The following CWC27 variants were observed in gnomAD, a reference collection of about 807,000 sequenced individuals.
The protein encoded by CWC27 is spliceosome-associated protein CWC27 homolog.
Under a neutral mutation model 63.6 loss-of-function variants are expected in CWC27, and 47 were observed. The ratio of observed to expected loss-of-function variants is 0.74; its 90% CI spans 0.58 to 0.94. CWC27 has a LOEUF of 0.94. CWC27 is among the 40% of genes least tolerant of loss of function. CWC27 has a pLI of 0.00. For synonymous variants in CWC27, 175 were observed against 179.8 expected (o/e 0.97, Z 0.22); for missense variants, 495 against 554.3 (o/e 0.89, Z 1.07).
At chr5:64,928,500 T>G (rs2112399138) in intron 11 of CWC27, among the ~76,000 whole-genome samples, 1 of 152,288 alleles carries the variant, frequency 6.6e-6, no homozygotes, top group South Asian at 2.1e-4. Context: ...CTTAGTGATC[T>G]GAGAAAATGC....
At chr5:64,954,650 C>CTATATATATATATATAGAAAGCACTA (rs1554026930) in intron 11 of CWC27, among the ~76,000 whole-genome samples, 23 of 146,338 alleles carry the variant, frequency 1.6e-4, no homozygotes, top group African/African-American at 5.6e-4. Flanking sequence ...ATAGAAAGCA[C>CTATATATATATATATAGAAAGCACTA]TATATATATA....
rs759380273 is a variant in CWC27, at chr5:64,800,254, A to T, written c.676A>T (p.Lys226Ter). 4 of 1,609,072 alleles carry T rather than the reference A, an allele frequency of 2.5e-6. No individual in the cohort carries two copies. The highest frequency in any genetic ancestry group is 2.6e-6 in the Non-Finnish European group (3 of 1,176,240). The change falls in exon 8 of 14, where the codon AAG becomes TAG. Residue 226 changes from lysine to a stop codon, truncating the protein, a stop_gained. Coordinates refer to ENST00000381070, the MANE Select transcript of CWC27 (RefSeq NM_005869.4). LOFTEE classifies it high-confidence loss of function. Reference sequence around the variant, plus strand: ...TATTGTACATTCTTTGCAGAGCATGAAGGGCAAAAGCAAAAGTAGTCATGA... The same window carrying T: ...TATTGTACATTCTTTGCAGAGCATGTAGGGCAAAAGCAAAAGTAGTCATGA... ...EEVNRVSQSM[K>*]GKSKSSHDLL...
At chr5:64,987,780 A>G (rs1749463626) in intron 13 of CWC27, among the ~76,000 whole-genome samples, 1 of 152,152 alleles carries the variant, frequency 6.6e-6, no homozygotes, top group South Asian at 2.1e-4. Flanking sequence ...TCTGTTCTGC[A>G]TGGTTTCTTT....
chr5:64,926,896 A>G (rs1748125246), intron 11 of CWC27, among the ~76,000 whole-genome samples: 1 of 152,230 alleles, frequency 6.6e-6, no homozygotes. Flanking sequence ...AGCAATATTT[A>G]TGGAAAATTA....
intron 7 of CWC27, among the ~76,000 whole-genome samples, chr5:64,792,730 T>G (rs1042144378): frequency 1.3e-5 from 2 of 152,132 alleles, no homozygotes; most frequent in African/African-American, 4.8e-5. Flanking sequence ...TTGTTGTACA[T>G]AGAGTCTGTG....
At chr5:64,839,741 G>A (rs1745753146) in intron 10 of CWC27, among the ~76,000 whole-genome samples, 1 of 152,120 alleles carries the variant, frequency 6.6e-6, no homozygotes, top group African/African-American at 2.4e-5. Flanking sequence ...AGATTACAGT[G>A]GGGGAAGACT....
At chr5:64,795,370 A>C (rs1410434051) in intron 7 of CWC27, among the ~76,000 whole-genome samples, 2 of 152,202 alleles carry the variant, frequency 1.3e-5, no homozygotes, top group Non-Finnish European at 2.9e-5. Context: ...GTTTTAACAA[A>C]TTGCCATAAA....
rs568150813 is a variant in CWC27 at position 64,783,858 on chromosome 5, G to A, written c.275G>A (p.Arg92His). Residue 92 changes from arginine (R) to histidine (H), a missense_variant, in exon 4 of 14, where the codon CGT (arginine) becomes CAT (histidine). This residue lies in a region of CWC27 where 463 missense variants were observed against 498.1 expected (regional missense o/e 0.93). Transcript: ENST00000381070. ...CAGGATGAATTTCATTCACGGTTGCGTTTTAATCGGAGAGGACTGGTTGCC... is the reference window on the plus strand; with the variant it reads ...CAGGATGAATTTCATTCACGGTTGCATTTTAATCGGAGAGGACTGGTTGCC... Reference protein sequence around the residue: ...PFKDEFHSRLRFNRRGLVAMA... With the variant: ...PFKDEFHSRLHFNRRGLVAMA... 72 of 1,577,368 alleles carry A rather than the reference G, an allele frequency of 4.6e-5. No individual in the cohort carries two copies. Among genetic ancestry groups the A allele is most frequent in the Admixed American group, 2.5e-4 (13 of 51,184 alleles).
At chr5:64,876,356 G>A (rs958505997) in intron 10 of CWC27, among the ~76,000 whole-genome samples, 8 of 152,086 alleles carry the variant, frequency 5.3e-5, no homozygotes, top group Non-Finnish European at 1.0e-4. Context: ...GATTAAAGCA[G>A]CAGGCTAAAG....
At chr5:64,863,111 GA>G (rs1406749319) in intron 10 of CWC27, among the ~76,000 whole-genome samples, 1 of 152,084 alleles carries the variant, frequency 6.6e-6, no homozygotes, top group Non-Finnish European at 1.5e-5. Context: ...TCATACCTTT[GA>G]CTTGATAAAG....
chr5:64,881,325 A>G (rs1746930673), intron 10 of CWC27, among the ~76,000 whole-genome samples: 1 of 152,148 alleles, frequency 6.6e-6, no homozygotes, highest in Non-Finnish European at 1.5e-5. Flanking sequence ...TGATATGACT[A>G]CATTAATATA....
At chr5:64,959,069 G>GT (rs747178497) in intron 11 of CWC27, among the ~76,000 whole-genome samples, 41 of 151,998 alleles carry the variant, frequency 2.7e-4, no homozygotes, top group Non-Finnish European at 4.9e-4. Flanking sequence ...ATAAATGGTA[G>GT]TTTTTTTATT....
chr5:64,774,290 G>A (rs1397669342), intron 1 of CWC27, among the ~76,000 whole-genome samples: 3 of 152,084 alleles, frequency 2.0e-5, no homozygotes, highest in Non-Finnish European at 2.9e-5. Flanking sequence ...CAAATAGCAT[G>A]GAACACCACC....
intron 7 of CWC27, among the ~76,000 whole-genome samples, chr5:64,795,435 G>C (rs1036912026): frequency 1.3e-5 from 2 of 152,090 alleles, no homozygotes; most frequent in African/African-American, 4.8e-5. Flanking sequence ...TATATTTCTG[G>C]AGGTCAGAAG....
At chr5:65,001,195 C>T (rs954719328) in intron 13 of CWC27, among the ~76,000 whole-genome samples, 13 of 151,980 alleles carry the variant, frequency 8.6e-5, no homozygotes, top group Admixed American at 6.6e-5. Context: ...TTACTCAATT[C>T]GCTTTCCAGC....
At chr5:64,952,423 A>G (rs1421050943) in intron 11 of CWC27, among the ~76,000 whole-genome samples, 1 of 151,970 alleles carries the variant, frequency 6.6e-6, no homozygotes, top group Non-Finnish European at 1.5e-5. Flanking sequence ...AACCCTTTAC[A>G]TATACAAATT....
chr5:64,806,045 T>C (rs914835350), intron 10 of CWC27, among the ~76,000 whole-genome samples: 22 of 152,114 alleles, frequency 1.4e-4, no homozygotes, highest in Non-Finnish European at 2.9e-4. Context: ...AATGGATTGA[T>C]AGAGGAGTGT....
intron 1 of CWC27, among the ~76,000 whole-genome samples, chr5:64,769,539 A>G (rs1162498369): frequency 2.0e-5 from 3 of 152,146 alleles, no homozygotes; most frequent in East Asian, 3.8e-4. Context: ...CATTTCTTCT[A>G]CAATCATTAA....
chr5:64,977,825 G>A (rs1420478528), intron 13 of CWC27, among the ~76,000 whole-genome samples: 2 of 151,472 alleles, frequency 1.3e-5, no homozygotes, highest in Non-Finnish European at 2.9e-5. Context: ...AAAAAAAAAG[G>A]AATAAAAATT....
Sources: gnomAD v4.1 joint callset for allele counts (sites outside exome capture counted in the v4.1 genomes callset) on GRCh38, gnomAD v4.1.1 for gene constraint, gnomAD v4.1.1 regional missense constraint, MANE v1.5 for transcripts, NCBI Gene and HGNC (gene_info 2026-07-23, HGNC 2026-07-21) for gene names.